The following ART3 variants were observed in gnomAD, a reference collection of about 807,000 sequenced individuals.
ART3 encodes the protein ecto-ADP-ribosyltransferase 3.
ART3 carries 49 observed loss-of-function variants against 48.5 expected under a neutral mutation model. That is an observed-to-expected ratio of 1.01 (90% CI 0.80 to 1.28). The LOEUF is 1.28. Ranked by LOEUF, ART3 falls within the 50% of genes most tolerant of loss-of-function variation. The probability of loss-of-function intolerance (pLI) is 0.00; values close to 1 mark genes in which losing one functional copy is unlikely to be tolerated. For missense variants in ART3, 438 were observed against 454.3 expected, an observed-to-expected ratio of 0.96 and a Z score of 0.33; for synonymous variants, 145 against 157.2, an observed-to-expected ratio of 0.92 and a Z score of 0.58.
At chr4:76,068,306 C>G (rs534514962) in intron 1 of ART3, among the ~76,000 whole-genome samples, 56 of 152,210 alleles carry the variant, frequency 3.7e-4, no homozygotes, top group African/African-American at 1.3e-3. Context: ...TTCCCTCATG[C>G]CCATATTGTG....
chr4:76,054,551 G>A (rs1364991116), intron 1 of ART3, among the ~76,000 whole-genome samples: 1 of 152,026 alleles, frequency 6.6e-6, no homozygotes. Flanking sequence ...AAATATTTAG[G>A]CTGGGCTTAG....
intron 1 of ART3, among the ~76,000 whole-genome samples, chr4:76,017,089 T>G (rs1203285770): frequency 6.6e-6 from 1 of 152,052 alleles, no homozygotes; most frequent in Non-Finnish European, 1.5e-5. Context: ...CTGGTACCTG[T>G]GGTTCAAGAA....
chr4:76,018,582 C>G (rs1318644090), intron 1 of ART3, among the ~76,000 whole-genome samples: 1 of 151,948 alleles, frequency 6.6e-6, no homozygotes, highest in African/African-American at 2.4e-5. Context: ...ACTCCCTAAA[C>G]CTAAAATAAA....
chr4:76,104,367 C>T lies in ART3; in HGVS notation c.971-230C>T, dbSNP rs1728003943. The T allele has an allele frequency of 1.7e-5, 17 of 985,314 alleles. 2 individuals carry two copies. In the South Asian group the frequency reaches 6.1e-4, roughly 35 times the overall value. 61.0% of individuals were successfully genotyped at this position (985,314 alleles called of 1,614,324 possible). ...TCTCCAGGTAACAAAACACGATATT[C>T]TCCTGGCATAAACATGCTCAGTGAA... On this transcript the variant is annotated intron_variant, in intron 9 of 11. Coordinates refer to ENST00000355810, the MANE Select transcript of ART3 (RefSeq NM_001130016.3).
intron 1 of ART3, among the ~76,000 whole-genome samples, chr4:76,019,437 G>A (rs142295146): frequency 9.7e-4 from 143 of 148,182 alleles, no homozygotes; most frequent in Non-Finnish European, 1.6e-3. Context: ...TCAGTGTACT[G>A]TACACTGAAG....
At chr4:76,104,816 A>G (rs989476690) in intron 10 of ART3, among the ~76,000 whole-genome samples, 187 bp downstream of exon 10, 1 of 152,218 alleles carries the variant, frequency 6.6e-6, no homozygotes, top group African/African-American at 2.4e-5. Flanking sequence ...GGTGCAAGCC[A>G]CTGTCCAATG....
intron 1 of ART3, among the ~76,000 whole-genome samples, chr4:76,042,106 A>G (rs1367752123): frequency 6.6e-6 from 1 of 152,222 alleles, no homozygotes; most frequent in East Asian, 1.9e-4. Flanking sequence ...AGTTTCCATA[A>G]GTAATCACCT....
chr4:76,104,001 C>T (rs906640146), intron 9 of ART3, 32 bp downstream of exon 9: 61 of 1,606,302 alleles, frequency 3.8e-5, no homozygotes, highest in Non-Finnish European at 5.2e-5. Flanking sequence ...TCCCTGAGCC[C>T]AAGAATGAGT....
chr4:76,028,056 A>G (rs962397039), intron 1 of ART3, among the ~76,000 whole-genome samples: 3 of 152,364 alleles, frequency 2.0e-5, no homozygotes, highest in African/African-American at 7.2e-5. Context: ...TTGAATTAGT[A>G]TCAGAACAGT....
chr4:76,034,376 G>A (rs1184931837), intron 1 of ART3: 1 of 434,402 alleles, frequency 2.3e-6, no homozygotes, highest in Non-Finnish European at 4.0e-6. Context: ...GACTTCTAGA[G>A]ACAGAAATGT....
intron 1 of ART3, chr4:76,041,226 T>C (rs1734944780): frequency 6.6e-6 from 1 of 152,186 alleles, no homozygotes; most frequent in African/African-American, 2.4e-5. Context: ...TCTTCAGGAT[T>C]GTGACTTGTT....
chr4:76,059,876 A>T (rs1422087811), intron 1 of ART3, among the ~76,000 whole-genome samples: 1 of 152,210 alleles, frequency 6.6e-6, no homozygotes, highest in African/African-American at 2.4e-5. Context: ...GCCAAATATA[A>T]GTTAGATATG....
chr4:76,049,730 C>T (rs1284362164), intron 1 of ART3, among the ~76,000 whole-genome samples: 7 of 151,708 alleles, frequency 4.6e-5, no homozygotes, highest in Non-Finnish European at 8.8e-5. Flanking sequence ...TCTCACCGCT[C>T]GGCGATAGGC....
intron 1 of ART3, among the ~76,000 whole-genome samples, chr4:76,018,972 T>G (rs1578196171): frequency 8.2e-6 from 1 of 121,546 alleles, no homozygotes; most frequent in Non-Finnish European, 1.7e-5. Context: ...GCCTGGGAGG[T>G]GGGGGTTGGA....
intron 1 of ART3, among the ~76,000 whole-genome samples, chr4:76,042,373 C>T (rs1735049803): frequency 6.6e-6 from 1 of 152,132 alleles, no homozygotes; most frequent in Non-Finnish European, 1.5e-5. Context: ...ACTAATGTTT[C>T]CATTTATTAT....
rs907733280 is a variant in ART3, at chr4:76,096,945, A to G, written c.782-699A>G. On this transcript the variant is annotated intron_variant, in intron 3 of 11. Coordinates refer to ENST00000355810, the MANE Select transcript of ART3 (RefSeq NM_001130016.3). ...GGATAGGAATTGTTGTAGTAGAGGG[A>G]TAGGTTTGCTGTTGAGGACGTTTAG... Among the ~76,000 whole-genome samples the G allele has an allele frequency of 3.3e-5, 5 of 152,272 alleles. No homozygotes were observed. The South Asian group carries it at 1.0e-3, about 32-fold the overall frequency.
intron 3 of ART3, among the ~76,000 whole-genome samples, chr4:76,095,295 G>T (rs549676078): frequency 5.9e-5 from 9 of 152,220 alleles, no homozygotes; most frequent in African/African-American, 1.7e-4. Flanking sequence ...ATCATCCAAG[G>T]TCAGGAGTTC....
intron 8 of ART3, among the ~76,000 whole-genome samples, chr4:76,101,548 A>G (rs896757136): frequency 6.6e-6 from 1 of 152,114 alleles, no homozygotes; most frequent in African/African-American, 2.4e-5. Context: ...TGGGCGGATC[A>G]CGAGATCAGC....
Position 76,082,052 on chromosome 4 carries a change from G to A in ART3, c.298G>A (p.Ala100Thr), listed in dbSNP as rs1722602427. 1.2e-6 allele frequency: 2 copies of A among 1,614,188 alleles called. No individual in the cohort carries two copies. Among genetic ancestry groups the A allele is most frequent in the Non-Finnish European group, 1.7e-6 (2 of 1,180,042 alleles). ...FKDNHGIALM[A>T]YISEAQEQTP... is the part of the protein sequence containing the mutation. ...GGATAACCATGGAATAGCCCTGATG[G>A]CATATATTTCCGAAGCTCAAGAGCA... Residue 100 changes from alanine to threonine, a missense_variant, in exon 3 of 12, where the codon GCA becomes ACA. Ala to Thr is a moderately conservative substitution (Grantham distance 58). Transcript: ENST00000355810.
Sources: allele counts gnomAD v4.1 joint callset (sites outside exome capture counted in the v4.1 genomes callset), GRCh38; gene constraint gnomAD v4.1.1; transcripts MANE v1.5; gene names NCBI Gene and HGNC (gene_info 2026-07-23, HGNC 2026-07-21).